The following KCNIP1 variants were observed in gnomAD, a reference collection of about 807,000 sequenced individuals.
KCNIP1 encodes the protein potassium voltage-gated channel interacting protein 1.
A neutral mutation model predicts 33.0 loss-of-function variants in KCNIP1; 18 were observed. The observed-to-expected ratio is 0.55, with a 90% CI of 0.38 to 0.81. The LOEUF is 0.81. Ranked by LOEUF, KCNIP1 falls within the 30% of genes least tolerant of loss-of-function variation. KCNIP1 has a pLI of 0.00. For synonymous variants in KCNIP1, 93 were observed against 98.3 expected, an observed-to-expected ratio of 0.95 and a Z score of 0.32; for missense variants, 238 against 271.6, an observed-to-expected ratio of 0.88 and a Z score of 0.87.
intron 1 of KCNIP1, among the ~76,000 whole-genome samples, chr5:170,362,584 A>G (rs1763543210): frequency 6.6e-6 from 1 of 152,154 alleles, no homozygotes; most frequent in African/African-American, 2.4e-5. Context: ...CCAAGACTAC[A>G]GGGAGGGGAG....
intron 1 of KCNIP1, among the ~76,000 whole-genome samples, chr5:170,506,334 AG>A (rs1754717063): frequency 6.6e-6 from 1 of 152,000 alleles, no homozygotes. Flanking sequence ...TACTTCCCGG[AG>A]GGAAGGGTAT....
intron 1 of KCNIP1, among the ~76,000 whole-genome samples, chr5:170,553,121 G>A (rs769149250): frequency 4.6e-5 from 7 of 152,334 alleles, no homozygotes; most frequent in Admixed American, 6.5e-5. Context: ...ACCTCCTCCC[G>A]TGACCTAGAC....
intron 1 of KCNIP1, among the ~76,000 whole-genome samples, chr5:170,638,291 G>A (rs555124863): frequency 6.6e-5 from 10 of 152,066 alleles, no homozygotes; most frequent in Non-Finnish European, 1.5e-4. Flanking sequence ...GCCTTTGCTC[G>A]GTGGTCTTCA....
chr5:170,475,995 G>T lies in KCNIP1; in HGVS notation c.88+122031G>T, dbSNP rs960474941. On this transcript the variant is annotated intron_variant, in intron 1 of 7. Transcript: ENST00000377360. ...AACTTTTTTTTTTTTTTTGAAACAG[G>T]GTCTCACTCTGTCACCCAGGCTGGA... Among the ~76,000 whole-genome samples the T allele has an allele frequency of 7.3e-5, 11 of 151,442 alleles. No individual in the cohort carries two copies. In the South Asian group the frequency reaches 8.4e-4, roughly 12 times the overall value.
chr5:170,677,658 A>T (rs550794278), intron 1 of KCNIP1, among the ~76,000 whole-genome samples: 2 of 152,276 alleles, frequency 1.3e-5, no homozygotes, highest in South Asian at 4.1e-4. Flanking sequence ...CTAAACTGGA[A>T]TCCAGTCTTT....
Position 170,464,296 on chromosome 5 carries a change from T to C in KCNIP1, c.88+110332T>C, listed in dbSNP as rs558435090. Among the ~76,000 whole-genome samples, 3 of 152,374 alleles carry C rather than the reference T, an allele frequency of 2.0e-5. No individual in the cohort carries two copies. The East Asian group carries it at 5.8e-4, about 29-fold the overall frequency. On this transcript the variant is annotated intron_variant, in intron 1 of 7. Coordinates refer to the KCNIP1 transcript ENST00000377360. Reference sequence around the variant, plus strand: ...TCTCTGTCAAAGTTTCATAGCATTTTTTGCAGTTATTTATACTGCAAAGTG... The same window carrying C: ...TCTCTGTCAAAGTTTCATAGCATTTCTTGCAGTTATTTATACTGCAAAGTG...
At chr5:170,587,754 T>C (rs1758054214) in intron 1 of KCNIP1, among the ~76,000 whole-genome samples, 1 of 152,258 alleles carries the variant, frequency 6.6e-6, no homozygotes, top group Non-Finnish European at 1.5e-5. Flanking sequence ...TAATTCAGGA[T>C]AATCTCTTCA....
At chr5:170,585,629 C>A (rs1372578165) in intron 1 of KCNIP1, among the ~76,000 whole-genome samples, 3 of 152,146 alleles carry the variant, frequency 2.0e-5, no homozygotes, top group African/African-American at 7.2e-5. Context: ...GGAAATGGTT[C>A]TGTTGTTACC....
chr5:170,582,286 G>A (rs1435939864), intron 1 of KCNIP1, among the ~76,000 whole-genome samples: 1 of 152,202 alleles, frequency 6.6e-6, no homozygotes, highest in Admixed American at 6.5e-5. Flanking sequence ...GTTGGCAGGT[G>A]GCTCCACCAT....
At chr5:170,525,234 G>A (rs1755525353) in intron 1 of KCNIP1, among the ~76,000 whole-genome samples, 1 of 152,238 alleles carries the variant, frequency 6.6e-6, no homozygotes, top group South Asian at 2.1e-4. Context: ...GGGGCTAAGA[G>A]CATGCGCTCT....
chr5:170,698,951 C>T (rs948490335), intron 1 of KCNIP1, among the ~76,000 whole-genome samples: 1 of 152,168 alleles, frequency 6.6e-6, no homozygotes, highest in Non-Finnish European at 1.5e-5. Flanking sequence ...CCACCCTCAC[C>T]TGCCTAGCTT....
chr5:170,698,228 G>A (rs947200265), intron 1 of KCNIP1, among the ~76,000 whole-genome samples: 1 of 152,170 alleles, frequency 6.6e-6, no homozygotes, highest in Non-Finnish European at 1.5e-5. Flanking sequence ...ACAGGGGTTA[G>A]ATCACAGCCA....
chr5:170,401,757 CAAA>C (rs201537929), intron 1 of KCNIP1, among the ~76,000 whole-genome samples: 2 of 127,728 alleles, frequency 1.6e-5, no homozygotes. Flanking sequence ...GAGACTCTGT[CAAA>C]AAAAAAAAAA....
chr5:170,636,226 T>C (rs1760274134), intron 1 of KCNIP1, among the ~76,000 whole-genome samples: 2 of 152,174 alleles, frequency 1.3e-5, no homozygotes, highest in African/African-American at 2.4e-5. Flanking sequence ...TGTGGCGTCA[T>C]TGGCGTAGAG....
intron 1 of KCNIP1, among the ~76,000 whole-genome samples, chr5:170,393,018 C>A (rs186339239): frequency 6.6e-6 from 1 of 152,294 alleles, no homozygotes; most frequent in Non-Finnish European, 1.5e-5. Context: ...CCACAATCCC[C>A]CACAAAAGGC....
intron 1 of KCNIP1, among the ~76,000 whole-genome samples, chr5:170,597,653 A>C (rs190242903): frequency 6.6e-6 from 1 of 151,938 alleles, no homozygotes; most frequent in Non-Finnish European, 1.5e-5. Flanking sequence ...CTTGTCAGAC[A>C]ACACGGGAGG....
chr5:170,415,529 G>A (rs1246047406), intron 1 of KCNIP1, among the ~76,000 whole-genome samples: 1 of 152,114 alleles, frequency 6.6e-6, no homozygotes, highest in Non-Finnish European at 1.5e-5. Context: ...CCTCCCCGGG[G>A]AACATGGCTG....
At chr5:170,402,301 C>T (rs1754924884) in intron 1 of KCNIP1, among the ~76,000 whole-genome samples, 1 of 152,166 alleles carries the variant, frequency 6.6e-6, no homozygotes, top group Non-Finnish European at 1.5e-5. Context: ...ATTCAAGTCA[C>T]TATACTCATC....
intron 1 of KCNIP1, among the ~76,000 whole-genome samples, chr5:170,707,611 G>A (rs1209388688): frequency 6.6e-6 from 1 of 152,090 alleles, no homozygotes; most frequent in Admixed American, 6.5e-5. Context: ...ATCTGTAAGG[G>A]ACATTTGACA....
Sources: allele counts gnomAD v4.1 joint callset (sites outside exome capture counted in the v4.1 genomes callset), GRCh38; gene constraint gnomAD v4.1.1; transcripts MANE v1.5; gene names NCBI Gene and HGNC (gene_info 2026-07-23, HGNC 2026-07-21).